PARD3B: variants seen among roughly 807,000 people sequenced by gnomAD.
PARD3B encodes the protein partitioning defective 3 homolog B.
A neutral mutation model predicts 130.2 loss-of-function variants in PARD3B; 103 were observed. The ratio of observed to expected loss-of-function variants is 0.79; its 90% confidence interval spans 0.67 to 0.93. The LOEUF (loss-of-function observed/expected upper bound fraction) is 0.93, where lower values mean the gene tolerates loss of function less well. PARD3B is among the 40% of genes least tolerant of loss of function. The probability of loss-of-function intolerance (pLI) is 0.00; values close to 1 mark genes in which losing one functional copy is unlikely to be tolerated. For missense variants in PARD3B, 1,609 were observed against 1,499.2 expected, an observed-to-expected ratio of 1.07 and a Z score of -1.21; for synonymous variants, 583 against 553.2, an observed-to-expected ratio of 1.05 and a Z score of -0.76.
chr2:205,371,907 C>T (rs77090366), intron 18 of PARD3B, among the ~76,000 whole-genome samples: 2,241 of 152,178 alleles, frequency 0.015, 43 homozygotes, highest in African/African-American at 0.051. Context: ...GAATTATGTA[C>T]CATGGGGTCT....
chr2:204,841,211 T>C (rs986655763), intron 2 of PARD3B, among the ~76,000 whole-genome samples: 1 of 152,098 alleles, frequency 6.6e-6, no homozygotes, highest in African/African-American at 2.4e-5. Flanking sequence ...TGTGATAGGT[T>C]GGATGCTGCC....
rs35866400 is a variant in PARD3B at position 204,711,190 on chromosome 2, G to A, written c.222+24908G>A. On this transcript the variant is annotated intron_variant, in intron 2 of 22. Coordinates refer to ENST00000406610, the MANE Select transcript of PARD3B (RefSeq NM_001302769.2). The stretch of plus-strand genomic sequence containing the variant: ...GATAACTGGACTTAAACAATTACTT[G>A]TTTTATAGTATTGAGACAGCCACTT... Among the ~76,000 whole-genome samples the A allele has an allele frequency of 3.2e-3, 489 of 152,210 alleles. 2 individuals carry two copies. The highest frequency in any genetic ancestry group is 5.6e-3 in the Admixed American group (86 of 15,288).
intron 20 of PARD3B, among the ~76,000 whole-genome samples, chr2:205,455,947 T>C (rs2106210024): frequency 6.6e-6 from 1 of 152,214 alleles, no homozygotes; most frequent in South Asian, 2.1e-4. Context: ...CAGTCACACA[T>C]CTTTCCCCAT....
At chr2:205,097,376 A>T (rs1366099887) in intron 4 of PARD3B, among the ~76,000 whole-genome samples, 1 of 152,204 alleles carries the variant, frequency 6.6e-6, no homozygotes, top group Non-Finnish European at 1.5e-5. Context: ...TGTCACTAAC[A>T]CAACATGTAA....
intron 22 of PARD3B, among the ~76,000 whole-genome samples, chr2:205,556,227 G>C (rs779023714): frequency 3.3e-5 from 5 of 152,124 alleles, no homozygotes; most frequent in Admixed American, 6.5e-5. Flanking sequence ...GAAGTCGGTG[G>C]CCAACCTTAT....
At chr2:205,099,486 T>A (rs1209068691) in intron 4 of PARD3B, among the ~76,000 whole-genome samples, 1 of 152,224 alleles carries the variant, frequency 6.6e-6, no homozygotes, top group Non-Finnish European at 1.5e-5. Context: ...ATATTTTCAT[T>A]TTTAGACATG....
At chr2:205,054,432 A>ATTT (rs1276333044) in intron 4 of PARD3B, among the ~76,000 whole-genome samples, 27 of 30,990 alleles carry the variant, frequency 8.7e-4, no homozygotes, top group South Asian at 3.7e-3. Flanking sequence ...ATATATATAT[A>ATTT]TATATTTTTT....
rs2041142282 is a variant in PARD3B at position 205,280,381 on chromosome 2, A to G, written c.2186-20149A>G. 6.6e-6 allele frequency among the ~76,000 whole-genome samples: 1 copy of G among 152,242 alleles called. No homozygotes were observed. Among genetic ancestry groups the G allele is most frequent in the African/African-American group, 2.4e-5 (1 of 41,462 alleles). On this transcript the variant is annotated intron_variant, in intron 16 of 22. Transcript: ENST00000406610. This position sits in a 1 kb window ranked among gnomAD's most constrained non-coding sequence, Gnocchi z 4.7. ...TTTCAAAATTACTTTTTCTCTTTTC[A>G]ATGGAATTCACGACTGTTCTTGGTT...
chr2:205,290,218 A>T (rs2041554646), intron 16 of PARD3B, among the ~76,000 whole-genome samples: 2 of 152,176 alleles, frequency 1.3e-5, no homozygotes, highest in South Asian at 2.1e-4. Flanking sequence ...TTCCCCTGAG[A>T]TGGGTCCTTC....
In PARD3B at chr2:205,436,408, T is replaced by C. The variant is rs146698738; in HGVS notation, c.2742-3962T>C. On this transcript the variant is annotated intron_variant, in intron 19 of 22. Transcript: ENST00000406610. ...ATGTTTTCAAATGTTTGAGAGTGTT[T>C]TTCTTTTATTTGTGTTAGAGGCCAG... Among the ~76,000 whole-genome samples, 1,018 of 152,224 alleles carry C rather than the reference T, an allele frequency of 6.7e-3. 10 individuals carry two copies. Among genetic ancestry groups the C allele is most frequent in the African/African-American group, 0.021 (865 of 41,538 alleles).
chr2:204,579,947 A>G (rs759633490), intron 1 of PARD3B, among the ~76,000 whole-genome samples: 2 of 152,236 alleles, frequency 1.3e-5, no homozygotes, highest in African/African-American at 2.4e-5. Flanking sequence ...AGTTGTTGGC[A>G]GTTGTGTTTC....
chr2:205,157,977 G>T (rs754408917), intron 10 of PARD3B, among the ~76,000 whole-genome samples: 11 of 152,150 alleles, frequency 7.2e-5, no homozygotes, highest in Non-Finnish European at 1.5e-4. Flanking sequence ...TGTTTCTTGA[G>T]ACCAGTATGC....
intron 3 of PARD3B, among the ~76,000 whole-genome samples, chr2:205,038,581 A>G (rs534075405): frequency 6.6e-6 from 1 of 152,336 alleles, no homozygotes; most frequent in African/African-American, 2.4e-5. Context: ...ATTCGTCTTC[A>G]GAGACAAGTA....
At chr2:204,557,540 A>G (rs114563206) in intron 1 of PARD3B, among the ~76,000 whole-genome samples, 4,157 of 152,238 alleles carry the variant, frequency 0.027, 93 homozygotes, top group Non-Finnish European at 0.042. Context: ...TTAGCACAGT[A>G]TTTGATATAT....
intron 3 of PARD3B, among the ~76,000 whole-genome samples, chr2:205,029,456 C>CGA (rs1293180862): frequency 1.3e-5 from 2 of 152,166 alleles, no homozygotes; most frequent in East Asian, 3.8e-4. Flanking sequence ...TCTCATTCAT[C>CGA]TAAGTTTTCC....
intron 1 of PARD3B, among the ~76,000 whole-genome samples, chr2:204,650,122 A>T (rs1229804437): frequency 2.6e-5 from 4 of 152,216 alleles, no homozygotes; most frequent in African/African-American, 4.8e-5. Flanking sequence ...TCAAAAGAAG[A>T]TATACATGCA....
At chr2:205,150,731 T>C (rs2033696435) in intron 10 of PARD3B, among the ~76,000 whole-genome samples, 1 of 152,146 alleles carries the variant, frequency 6.6e-6, no homozygotes, top group African/African-American at 2.4e-5. Context: ...TCCTGGAATT[T>C]CTTGAGGGTC....
intron 16 of PARD3B, among the ~76,000 whole-genome samples, chr2:205,277,946 C>T (rs1328403944): frequency 2.0e-5 from 3 of 152,008 alleles, no homozygotes; most frequent in African/African-American, 7.3e-5. Context: ...AGAAAGCCCA[C>T]ATTTGGGGGA....
Position 205,489,513 on chromosome 2 carries a change from A to G in PARD3B, c.3045-10383A>G, listed in dbSNP as rs551438858. 2.4e-4 allele frequency among the ~76,000 whole-genome samples: 34 copies of G among 141,012 alleles called. No homozygotes were observed. The East Asian group carries it at 5.2e-3, about 22-fold the overall frequency. The allele number at this position is 141,012 out of a possible 152,430, so 92.5% of individuals were successfully genotyped here. On this transcript the variant is annotated intron_variant, in intron 20 of 22. Coordinates refer to ENST00000406610, the MANE Select transcript of PARD3B (RefSeq NM_001302769.2). ...TATATGTGTGTATATATATATACGT[A>G]TATATATATACACACATATATATGG...
Sources: allele counts gnomAD v4.1 joint callset (sites outside exome capture counted in the v4.1 genomes callset), GRCh38; gene constraint gnomAD v4.1.1; non-coding constraint Gnocchi (gnomAD v3.1); transcripts MANE v1.5; gene names NCBI Gene and HGNC (gene_info 2026-07-23, HGNC 2026-07-21).